The following FREM3 variants were observed in gnomAD, a reference collection of about 807,000 sequenced individuals.
FREM3 encodes FRAS1-related extracellular matrix protein 3.
FREM3 carries 105 observed loss-of-function variants against 129.1 expected under a neutral mutation model. That is an observed-to-expected ratio of 0.81 (90% CI 0.69 to 0.96). FREM3 has a LOEUF of 0.96. Among genes scored for constraint, FREM3 ranks in the 40% least tolerant of loss-of-function variants. The pLI is 0.00. For missense variants in FREM3, 2,593 were observed against 2,666.3 expected (o/e 0.97, Z 0.61); for synonymous variants, 1,014 against 1,044.9 (o/e 0.97, Z 0.57).
intron 2 of FREM3, among the ~76,000 whole-genome samples, chr4:143,649,876 T>C (rs536770272): frequency 1.3e-5 from 2 of 152,322 alleles, no homozygotes; most frequent in South Asian, 4.1e-4. Context: ...TTGAGGACCC[T>C]TTGCATAAAA....
intron 5 of FREM3, among the ~76,000 whole-genome samples, chr4:143,613,791 G>C (rs1282059622): frequency 1.3e-5 from 2 of 152,166 alleles, no homozygotes; most frequent in Non-Finnish European, 2.9e-5. Flanking sequence ...GAAACTGCAT[G>C]TTAACTCCTC....
At chr4:143,666,891 C>G (rs1288348110) in intron 2 of FREM3, among the ~76,000 whole-genome samples, 1 of 151,768 alleles carries the variant, frequency 6.6e-6, no homozygotes, top group Admixed American at 6.6e-5. Context: ...ATATATTTTA[C>G]CACAATGTAA....
At position 143,700,270 on chromosome 4, in the gene FREM3, G is replaced by A; in HGVS notation, c.406C>T (p.Arg136Cys). Residue 136 changes from arginine to cysteine, a missense_variant, in exon 1 of 8, where the codon CGC (arginine) becomes TGC (cysteine). Arg to Cys is a radical substitution (Grantham distance 180, BLOSUM62 -3). This residue lies in a region of FREM3 where 2,276 missense variants were observed against 2,267.2 expected (regional missense o/e 1.00). Coordinates refer to ENST00000329798, the MANE Select transcript of FREM3 (RefSeq NM_001168235.2). Reference sequence around the variant, plus strand: ...CGCAGCTGCAGCAGCACCCGGGCGCGTCCGGGGCTGTGGGAGCCGAAGTGA... The same window carrying A: ...CGCAGCTGCAGCAGCACCCGGGCGCATCCGGGGCTGTGGGAGCCGAAGTGA... ...YTHFGSHSPG[R>C]ARVLLQLRYD... 6.5e-7 allele frequency: 1 copy of A among 1,536,530 alleles called. No individual in the cohort carries two copies. Among genetic ancestry groups the A allele is most frequent in the Non-Finnish European group, 8.7e-7 (1 of 1,146,792 alleles).
At chr4:143,683,404 C>T (rs528580526) in intron 2 of FREM3, among the ~76,000 whole-genome samples, 41 of 152,192 alleles carry the variant, frequency 2.7e-4, no homozygotes, top group Non-Finnish European at 5.3e-4. Context: ...AAACACACAC[C>T]CCCATTGGAG....
intron 6 of FREM3, among the ~76,000 whole-genome samples, chr4:143,605,455 A>G (rs567956843): frequency 7.2e-5 from 11 of 152,274 alleles, no homozygotes; most frequent in African/African-American, 2.4e-4. Context: ...TGTTCATACA[A>G]TGCTGTGGCA....
rs765215868 is a variant in FREM3 at position 143,700,114 on chromosome 4, T to C, written c.562A>G (p.Ile188Val). ...VEKLRSWSRA[I>V]DRRVLDFASL... The stretch of plus-strand genomic sequence containing the variant: ...GCGAAGTCCAGCACTCTCCTGTCTA[T>C]GGCGCGGCTCCAGCTTCGCAGCTTC... Residue 188 changes from isoleucine (I) to valine (V), a missense_variant, in exon 1 of 8, where the codon ATA (isoleucine) becomes GTA (valine). By Grantham distance (29) the Ile-to-Val change is conservative. Around this residue, in one of 2 missense-constraint regions of FREM3, gnomAD observed 2,276 missense variants for 2,267.2 expected, o/e 1.00. Transcript: ENST00000329798. 1 of 1,537,036 alleles carries C rather than the reference T, an allele frequency of 6.5e-7. No homozygotes were observed. The highest frequency in any genetic ancestry group is 1.2e-5 in the South Asian group (1 of 84,058).
chr4:143,636,333 C>CAAA (rs35792262), intron 2 of FREM3, among the ~76,000 whole-genome samples: 3 of 81,466 alleles, frequency 3.7e-5, no homozygotes, highest in South Asian at 4.1e-4. Context: ...GCAGCCTGTC[C>CAAA]AAAAAAAAAA....
chr4:143,693,879 C>T (rs1578873208), intron 1 of FREM3, among the ~76,000 whole-genome samples: 1 of 151,986 alleles, frequency 6.6e-6, no homozygotes, highest in Non-Finnish European at 1.5e-5. Flanking sequence ...GAACAGGAAA[C>T]CAAATACTGC....
In FREM3 at chr4:143,697,409, G is replaced by T; in HGVS notation, c.3267C>A (p.Thr1089=). 1.3e-6 allele frequency: 2 copies of T among 1,537,230 alleles called. No individual in the cohort carries two copies. The highest frequency in any genetic ancestry group is 1.7e-6 in the Non-Finnish European group (2 of 1,146,918). Residue 1089 remains threonine, a synonymous_variant, in exon 1 of 8, where the codon ACC becomes ACA. Coordinates refer to ENST00000329798, the MANE Select transcript of FREM3 (RefSeq NM_001168235.2). The part of the protein sequence containing the change: ...IVYEGEKNSL[T]LQHLHVEDVD... ...CATCTTCAACATGGAGATGTTGTAA[G>T]GTCAAGGAGTTCTTCTCACCTTCAT...
At chr4:143,635,372 C>T (rs188528362) in intron 2 of FREM3, among the ~76,000 whole-genome samples, 2 of 152,294 alleles carry the variant, frequency 1.3e-5, no homozygotes, top group Admixed American at 6.5e-5. Flanking sequence ...GTTGTAGCTA[C>T]GTATGTAGTT....
chr4:143,626,181 G>T (rs1281945509), intron 3 of FREM3, among the ~76,000 whole-genome samples: 3 of 152,164 alleles, frequency 2.0e-5, no homozygotes, highest in African/African-American at 7.2e-5. Flanking sequence ...AGTACTTACG[G>T]AACAGAAGGG....
intron 2 of FREM3, among the ~76,000 whole-genome samples, chr4:143,674,080 G>A (rs1005949150): frequency 6.6e-6 from 1 of 152,090 alleles, no homozygotes; most frequent in African/African-American, 2.4e-5. Flanking sequence ...CTTACGCTTG[G>A]TGTGCTGCAC....
Position 143,696,304 on chromosome 4 carries a change from C to T in FREM3, c.4372G>A (p.Asp1458Asn), listed in dbSNP as rs977466163. 2.6e-6 allele frequency: 4 copies of T among 1,537,392 alleles called. No individual in the cohort carries two copies. In the African/African-American group the frequency reaches 5.5e-5, roughly 21 times the overall value. The change falls in exon 1 of 8, where the codon GAT becomes AAT. Residue 1458 changes from aspartate to asparagine, a missense_variant. By Grantham distance (23) the Asp-to-Asn change is conservative. This residue lies in a region of FREM3 where 2,276 missense variants were observed against 2,267.2 expected (regional missense o/e 1.00). Transcript: ENST00000329798. Reference protein sequence around the residue: ...LLTNSDINSSDEHHFSITRAP... With the variant: ...LLTNSDINSSNEHHFSITRAP... The stretch of plus-strand genomic sequence containing the variant: ...CGTGTAATGCTAAAGTGATGTTCAT[C>T]AGAGCTGTTGATGTCACTGTTGGTA...
intron 2 of FREM3, among the ~76,000 whole-genome samples, chr4:143,669,454 A>AAT (rs1491253590): frequency 1.3e-5 from 2 of 151,436 alleles, no homozygotes; most frequent in African/African-American, 4.9e-5. Flanking sequence ...TGTTTAAAAC[A>AAT]ATTTTTTTTT....
At chr4:143,676,294 A>T (rs1241602712) in intron 2 of FREM3, among the ~76,000 whole-genome samples, 6 of 152,340 alleles carry the variant, frequency 3.9e-5, no homozygotes, top group Admixed American at 1.3e-4. Context: ...CAAAAACCAC[A>T]TGATTATCTC....
At chr4:143,605,127 T>G (rs1229831432) in intron 6 of FREM3, among the ~76,000 whole-genome samples, 1 of 152,192 alleles carries the variant, frequency 6.6e-6, no homozygotes, top group East Asian at 1.9e-4. Flanking sequence ...CAAACAACAC[T>G]GTAAATTAAC....
intron 6 of FREM3, among the ~76,000 whole-genome samples, chr4:143,587,077 T>C (rs1738255219): frequency 6.6e-6 from 1 of 152,216 alleles, no homozygotes; most frequent in Admixed American, 6.5e-5. Flanking sequence ...ATCTTTTAAC[T>C]GCTGAGGGAG....
intron 2 of FREM3, among the ~76,000 whole-genome samples, chr4:143,636,461 A>T (rs895329625): frequency 6.6e-6 from 1 of 152,156 alleles, no homozygotes; most frequent in African/African-American, 2.4e-5. Context: ...GTGAAGAAAA[A>T]TAGAAATCTG....
intron 2 of FREM3, among the ~76,000 whole-genome samples, chr4:143,666,754 A>G (rs992291150): frequency 6.6e-6 from 1 of 152,118 alleles, no homozygotes; most frequent in Admixed American, 6.6e-5. Context: ...TTAATAAATA[A>G]AGGGTTTCTG....
Sources: allele counts gnomAD v4.1 joint callset (sites outside exome capture counted in the v4.1 genomes callset), GRCh38; gene constraint gnomAD v4.1.1; regional missense constraint gnomAD v4.1.1; transcripts MANE v1.5; gene names NCBI Gene and HGNC (gene_info 2026-07-23, HGNC 2026-07-21).